GPC5: variants seen among roughly 807,000 people sequenced by gnomAD.
GPC5 encodes the protein glypican 5, also known as glypican-5.
In GPC5, 47 loss-of-function variants were observed where a neutral mutation model predicts 53.9. The observed-to-expected ratio is 0.87, with a 90% CI of 0.69 to 1.11. GPC5 has a LOEUF of 1.11. Among genes scored for constraint, GPC5 ranks in the 50% most tolerant of loss-of-function variants. The pLI is 0.00. For synonymous variants in GPC5, 286 were observed against 263.3 expected, an observed-to-expected ratio of 1.09 and a Z score of -0.84; for missense variants, 748 against 713.1, an observed-to-expected ratio of 1.05 and a Z score of -0.56.
intron 1 of GPC5, among the ~76,000 whole-genome samples, chr13:91,438,896 A>C (rs1315214774): frequency 6.6e-6 from 1 of 152,120 alleles, no homozygotes; most frequent in Non-Finnish European, 1.5e-5. Context: ...GCTGCCTTGC[A>C]GTTTGATCTC....
intron 5 of GPC5, among the ~76,000 whole-genome samples, chr13:91,832,084 G>C (rs1051642583): frequency 6.6e-6 from 1 of 151,968 alleles, no homozygotes; most frequent in Admixed American, 6.6e-5. Flanking sequence ...CTATTATTGT[G>C]TGGGAGTTTA....
chr13:92,384,805 C>T (rs909065527), intron 7 of GPC5, among the ~76,000 whole-genome samples: 4 of 152,116 alleles, frequency 2.6e-5, no homozygotes, highest in Non-Finnish European at 4.4e-5. Flanking sequence ...CCATTGTCAT[C>T]TAGATGGAAT....
intron 7 of GPC5, among the ~76,000 whole-genome samples, chr13:92,199,146 T>C (rs577887186): frequency 6.6e-6 from 1 of 152,346 alleles, no homozygotes; most frequent in East Asian, 1.9e-4. Flanking sequence ...AATTGGATTT[T>C]TGTTGCCACA....
At chr13:92,011,467 C>A (rs145830595) in intron 6 of GPC5, among the ~76,000 whole-genome samples, 7 of 152,284 alleles carry the variant, frequency 4.6e-5, no homozygotes, top group Admixed American at 6.5e-5. Flanking sequence ...CCAAGGAGAT[C>A]TGAAATTTGC....
chr13:92,300,526 A>G (rs1378944965), intron 7 of GPC5, among the ~76,000 whole-genome samples: 2 of 152,222 alleles, frequency 1.3e-5, no homozygotes, highest in Admixed American at 1.3e-4. Flanking sequence ...CTGATCATTC[A>G]ACTCAAATAT....
At chr13:92,634,253 C>T (rs1885346374) in intron 7 of GPC5, among the ~76,000 whole-genome samples, 1 of 152,120 alleles carries the variant, frequency 6.6e-6, no homozygotes, top group East Asian at 1.9e-4. Context: ...GATTACCTTT[C>T]TCTGCAAATG....
intron 5 of GPC5, among the ~76,000 whole-genome samples, chr13:91,774,019 A>G (rs1484282787): frequency 6.6e-6 from 1 of 152,158 alleles, no homozygotes; most frequent in Non-Finnish European, 1.5e-5. Flanking sequence ...TGTTCATTTT[A>G]CTTGCAAATG....
intron 7 of GPC5, among the ~76,000 whole-genome samples, chr13:92,699,299 C>T (rs1450283889): frequency 6.6e-6 from 1 of 152,022 alleles, no homozygotes; most frequent in Non-Finnish European, 1.5e-5. Flanking sequence ...TTTATTCCAT[C>T]TATTAGATTC....
chr13:92,132,297 G>C (rs1349902065), intron 6 of GPC5, among the ~76,000 whole-genome samples: 1 of 152,140 alleles, frequency 6.6e-6, no homozygotes, highest in Non-Finnish European at 1.5e-5. Flanking sequence ...AATCGTACAT[G>C]TATGATTTAT....
chr13:92,863,554 CA>C (rs1237868681), intron 7 of GPC5, among the ~76,000 whole-genome samples: 2 of 152,110 alleles, frequency 1.3e-5, no homozygotes, highest in East Asian at 3.9e-4. Flanking sequence ...AGTGCAATGG[CA>C]CAATCTAGGC....
chr13:92,295,182 C>G (rs1299506478), intron 7 of GPC5, among the ~76,000 whole-genome samples: 1 of 152,046 alleles, frequency 6.6e-6, no homozygotes, highest in Non-Finnish European at 1.5e-5. Context: ...TTAGCACCAC[C>G]TTTGCTGTGT....
intron 7 of GPC5, among the ~76,000 whole-genome samples, chr13:92,605,583 T>TTTTTG (rs1159211291): frequency 1.4e-4 from 21 of 149,524 alleles, no homozygotes; most frequent in African/African-American, 5.4e-4. Flanking sequence ...CTAGTTTTTT[T>TTTTTG]TTTTTTTTTA....
At chr13:91,830,292 A>T (rs552744793) in intron 5 of GPC5, among the ~76,000 whole-genome samples, 7 of 152,080 alleles carry the variant, frequency 4.6e-5, no homozygotes, top group Non-Finnish European at 8.8e-5. Context: ...CGGCAGTCAG[A>T]GTTTAAGGTT....
chr13:92,393,012 G>A (rs1454285016), intron 7 of GPC5, among the ~76,000 whole-genome samples: 1 of 152,166 alleles, frequency 6.6e-6, no homozygotes, highest in East Asian at 1.9e-4. Flanking sequence ...AGAGCTAAAA[G>A]CGTAAGTATC....
At chr13:91,618,454 C>T (rs897277030) in intron 2 of GPC5, among the ~76,000 whole-genome samples, 1 of 151,984 alleles carries the variant, frequency 6.6e-6, no homozygotes, top group Admixed American at 6.6e-5. Flanking sequence ...TGATTTCAGG[C>T]TCTGCTTGGG....
chr13:91,495,458 A>G (rs9560820), intron 2 of GPC5, among the ~76,000 whole-genome samples: 46,186 of 151,920 alleles, frequency 0.3, 7,485 homozygotes, highest in East Asian at 0.58. Flanking sequence ...TTACAAACCT[A>G]TACTCAATTT....
chr13:92,025,072 A>G (rs1249516251), intron 6 of GPC5, among the ~76,000 whole-genome samples: 11 of 152,130 alleles, frequency 7.2e-5, no homozygotes, highest in Non-Finnish European at 1.3e-4. Flanking sequence ...TTCTTCTGTT[A>G]CTGTCTTCAC....
At chr13:91,424,663 G>A (rs553337666) in intron 1 of GPC5, among the ~76,000 whole-genome samples, 36 of 152,192 alleles carry the variant, frequency 2.4e-4, no homozygotes, top group African/African-American at 7.9e-4. Flanking sequence ...CACCGTGCCC[G>A]GCCAAATCCA....
chr13:92,021,903 T>C (rs568160332), intron 6 of GPC5, among the ~76,000 whole-genome samples: 1 of 152,340 alleles, frequency 6.6e-6, no homozygotes, highest in African/African-American at 2.4e-5. Context: ...AGTCAAACTG[T>C]CCAGAATTCA....
Sources: gnomAD v4.1 joint callset for allele counts (sites outside exome capture counted in the v4.1 genomes callset) on GRCh38, gnomAD v4.1.1 for gene constraint, MANE v1.5 for transcripts, NCBI Gene and HGNC (gene_info 2026-07-23, HGNC 2026-07-21) for gene names.